The following POLA2 variants were observed in gnomAD, a reference collection of about 807,000 sequenced individuals.
The protein encoded by POLA2 is DNA polymerase alpha subunit B.
A neutral mutation model predicts 82.8 loss-of-function variants in POLA2; 47 were observed. The ratio of observed to expected loss-of-function variants is 0.57; its 90% CI spans 0.45 to 0.72. The LOEUF is 0.72. Ranked by LOEUF, POLA2 falls within the 30% of genes least tolerant of loss-of-function variation. POLA2 has a pLI of 0.00. For synonymous variants in POLA2, 287 were observed against 286.8 expected, an observed-to-expected ratio of 1.00 and a Z score of -0.01; for missense variants, 634 against 728.1, an observed-to-expected ratio of 0.87 and a Z score of 1.49.
intron 10 of POLA2, among the ~76,000 whole-genome samples, chr11:65,285,838 G>A (rs1315791452): frequency 1.3e-5 from 2 of 152,176 alleles, no homozygotes; most frequent in Middle Eastern, 3.4e-3. Context: ...CTTACACTGG[G>A]GCTCACATCT....
downstream of POLA2, among the ~76,000 whole-genome samples, chr11:65,302,876 C>T (rs994902166): frequency 6.6e-5 from 10 of 151,934 alleles, no homozygotes; most frequent in East Asian, 9.7e-4. Flanking sequence ...CACAGGTGTG[C>T]GCCACCACAC....
intron 13 of POLA2, among the ~76,000 whole-genome samples, chr11:65,293,379 G>A (rs1213337894): frequency 2.0e-5 from 3 of 152,160 alleles, no homozygotes; most frequent in Admixed American, 6.5e-5. Context: ...GGAGGCCAAG[G>A]TCGGTGGATC....
chr11:65,270,608 C>T (rs1949511530), intron 4 of POLA2, among the ~76,000 whole-genome samples: 1 of 152,130 alleles, frequency 6.6e-6, no homozygotes, highest in Admixed American at 6.6e-5. Context: ...ACCTTGGAGA[C>T]CTCCTTAAAT....
chr11:65,263,971 T>C (rs1949430305), intron 1 of POLA2, among the ~76,000 whole-genome samples: 1 of 152,258 alleles, frequency 6.6e-6, no homozygotes, highest in Admixed American at 6.5e-5. Context: ...TTTCATCTCA[T>C]GGCAATGGCT....
Position 65,297,495 on chromosome 11 carries a change from T to C in POLA2, c.*226T>C. ...GAAGCTCTTGCTTCTCAGTCCATGCTCCGTGTCCAGAAGTAAGCCAGCTGT... is the reference window on the plus strand; with the variant it reads ...GAAGCTCTTGCTTCTCAGTCCATGCCCCGTGTCCAGAAGTAAGCCAGCTGT... On this transcript the variant is annotated 3_prime_UTR_variant, in exon 18 of 18. Coordinates refer to ENST00000265465, the MANE Select transcript of POLA2 (RefSeq NM_002689.4). 3 of 418,264 alleles carry C rather than the reference T, an allele frequency of 7.2e-6. No homozygotes were observed. The East Asian group carries it at 1.1e-4, about 16-fold the overall frequency. The allele number at this position is 418,264 out of a possible 1,614,324, so 25.9% of individuals were successfully genotyped here. A position where few individuals can be genotyped will look rare whatever the true frequency, so the allele number is the denominator to read the frequency against.
At chr11:65,304,839 G>C (rs1393501672) in intron 8 of POLA2, among the ~76,000 whole-genome samples, 1 of 152,214 alleles carries the variant, frequency 6.6e-6, no homozygotes, top group Non-Finnish European at 1.5e-5. Context: ...CAGGGGCCCT[G>C]CTGCAGGTTT....
intron 1 of POLA2, among the ~76,000 whole-genome samples, chr11:65,265,947 T>C (rs754938949): frequency 2.6e-5 from 4 of 152,202 alleles, no homozygotes; most frequent in Non-Finnish European, 4.4e-5. Flanking sequence ...TTATATCCCA[T>C]GTATTTACTG....
intron 11 of POLA2, 133 bp from the exon 12 acceptor site, chr11:65,288,917 C>A: frequency 2.5e-6 from 2 of 797,778 alleles, no homozygotes; most frequent in Non-Finnish European, 4.1e-6. Context: ...TAACTGTCCC[C>A]AGGCTCTACA....
At chr11:65,304,766 A>G (rs1365594651) in intron 8 of POLA2, among the ~76,000 whole-genome samples, 3 of 152,218 alleles carry the variant, frequency 2.0e-5, no homozygotes, top group Non-Finnish European at 4.4e-5. Flanking sequence ...CACCGCCGAC[A>G]GCTGACAGGC....
intron 13 of POLA2, 147 bp downstream of exon 13, chr11:65,290,019 C>G (rs1051031520): frequency 3.5e-6 from 2 of 572,278 alleles, no homozygotes; most frequent in Admixed American, 6.2e-5. Flanking sequence ...GAGGCCGAGG[C>G]GGGCACATCA....
At chr11:65,286,847 T>C (rs1393001773) in intron 10 of POLA2, among the ~76,000 whole-genome samples, 1 of 152,130 alleles carries the variant, frequency 6.6e-6, no homozygotes, top group Non-Finnish European at 1.5e-5. Context: ...AGGAATTTAT[T>C]AGGGGAGATC....
chr11:65,279,850 C>T (rs1949621868), intron 7 of POLA2: 1 of 494,168 alleles, frequency 2.0e-6, no homozygotes, highest in Admixed American at 3.8e-5. Flanking sequence ...TAGAGTCTTG[C>T]ACATAAGCAG....
chr11:65,289,583 T>A (rs1348893122), intron 12 of POLA2, among the ~76,000 whole-genome samples: 1 of 152,220 alleles, frequency 6.6e-6, no homozygotes, highest in Non-Finnish European at 1.5e-5. Flanking sequence ...TTTTAGTCTC[T>A]CTCAGATTGC....
At chr11:65,280,889 AT>A in intron 7 of POLA2, 102 bp from the exon 8 acceptor site, 1 of 1,138,834 alleles carries the variant, frequency 8.8e-7, no homozygotes, top group Non-Finnish European at 1.3e-6. Context: ...CAAGAAATGT[AT>A]TTGTTGTTTG....
At chr11:65,295,742 C>T in intron 16 of POLA2, 122 bp from the exon 17 acceptor site, 9 of 1,355,448 alleles carry the variant, frequency 6.6e-6, no homozygotes, top group Non-Finnish European at 8.4e-6. Context: ...CTGCCCCACA[C>T]ACACAGAGAA....
At chr11:65,288,043 C>T (rs1351559774) in intron 11 of POLA2, among the ~76,000 whole-genome samples, 5 of 152,148 alleles carry the variant, frequency 3.3e-5, no homozygotes, top group African/African-American at 7.2e-5. Context: ...CAGTGGCTCA[C>T]GCCTGTAATC....
intron 15 of POLA2, among the ~76,000 whole-genome samples, 161 bp from the exon 16 acceptor site, chr11:65,295,379 C>T (rs1391570493): frequency 6.6e-6 from 1 of 152,154 alleles, no homozygotes; most frequent in African/African-American, 2.4e-5. Context: ...AGACTGAGCT[C>T]CTTGTGGGTG....
At position 65,275,874 on chromosome 11, in the gene POLA2, T is replaced by G; in HGVS notation, c.355-18T>G. On this transcript the variant is annotated intron_variant, in intron 4 of 17. Coordinates refer to ENST00000265465, the MANE Select transcript of POLA2 (RefSeq NM_002689.4). The stretch of plus-strand genomic sequence containing the variant: ...GGTCTAGTAGGACTGAGATTTTGTT[T>G]TCCTTTTTTTTCCCTAGGGTTCTCA... 1 of 1,468,996 alleles carries G rather than the reference T, an allele frequency of 6.8e-7. No individual in the cohort carries two copies. Among genetic ancestry groups the G allele is most frequent in the Non-Finnish European group, 9.5e-7 (1 of 1,051,946 alleles). The allele number at this position is 1,468,996 out of a possible 1,614,324, so 91.0% of individuals were successfully genotyped here. A position where few individuals can be genotyped will look rare whatever the true frequency, so the allele number is the denominator to read the frequency against.
At chr11:65,288,218 G>T (rs1949717895) in intron 11 of POLA2, among the ~76,000 whole-genome samples, 1 of 152,120 alleles carries the variant, frequency 6.6e-6, no homozygotes, top group African/African-American at 2.4e-5. Flanking sequence ...TAAGGCAGGA[G>T]AATTGCTTGA....
Sources: gnomAD v4.1 joint callset for allele counts (sites outside exome capture counted in the v4.1 genomes callset) on GRCh38, gnomAD v4.1.1 for gene constraint, MANE v1.5 for transcripts, NCBI Gene and HGNC (gene_info 2026-07-23, HGNC 2026-07-21) for gene names.